Variants in ADARB2 observed in about 807,000 individuals in gnomAD.
ADARB2 encodes adenosine deaminase RNA specific B2 (inactive).
In ADARB2, 25 loss-of-function variants were observed where a neutral mutation model predicts 62.2. The observed-to-expected ratio is 0.40, with a 90% CI of 0.29 to 0.56. The LOEUF (loss-of-function observed/expected upper bound fraction) is 0.56. Ranked by LOEUF, ADARB2 falls within the 20% of genes least tolerant of loss-of-function variation. The pLI, the probability that ADARB2 is intolerant of heterozygous loss-of-function variation, is 0.43. For synonymous variants in ADARB2, 572 were observed against 500.8 expected, an observed-to-expected ratio of 1.14 and a Z score of -1.90; for missense variants, 1,071 against 1,077.4, an observed-to-expected ratio of 0.99 and a Z score of 0.08.
rs899621627 is a variant in ADARB2 at position 1,443,886 on chromosome 10, T to C, written c.101-64726A>G. On this transcript the variant is annotated intron_variant, in intron 1 of 9. Coordinates refer to ENST00000381312, the MANE Select transcript of ADARB2 (RefSeq NM_018702.4). ...TAAAGAAATGTTTCCTTATTCAGCA[T>C]GGGGGAGTACAAATCTACCACTATT... Among the ~76,000 whole-genome samples, 22 of 152,192 alleles carry C rather than the reference T, an allele frequency of 1.4e-4. 2 individuals carry two copies. The highest frequency in any genetic ancestry group is 1.1e-3 in the Admixed American group (17 of 15,274).
intron 1 of ADARB2, among the ~76,000 whole-genome samples, chr10:1,576,785 G>A (rs1264555420): frequency 6.6e-6 from 1 of 152,160 alleles, no homozygotes; most frequent in Non-Finnish European, 1.5e-5. Flanking sequence ...GGGGACAATG[G>A]CTGCAAAACA....
intron 1 of ADARB2, among the ~76,000 whole-genome samples, chr10:1,386,323 A>C (rs568644271): frequency 2.1e-4 from 32 of 152,152 alleles, no homozygotes; most frequent in African/African-American, 7.2e-4. Flanking sequence ...TATATCAGTA[A>C]TTACATTAAA....
chr10:1,595,603 C>T (rs1833322737), intron 1 of ADARB2, among the ~76,000 whole-genome samples: 1 of 152,208 alleles, frequency 6.6e-6, no homozygotes, highest in Non-Finnish European at 1.5e-5. Context: ...TCTTCCCTGT[C>T]CTCCCAGTCC....
intron 1 of ADARB2, among the ~76,000 whole-genome samples, chr10:1,483,875 A>G (rs192368281): frequency 3.3e-5 from 5 of 152,358 alleles, no homozygotes; most frequent in Admixed American, 6.5e-5. Context: ...TATGACACGG[A>G]AGTAACTTAA....
At chr10:1,307,385 A>G (rs1357413169) in intron 3 of ADARB2, among the ~76,000 whole-genome samples, 2 of 141,400 alleles carry the variant, frequency 1.4e-5, no homozygotes, top group Non-Finnish European at 1.5e-5. Context: ...ATGAGATACC[A>G]TCTCACACCA....
chr10:1,408,668 G>C (rs909689960), intron 1 of ADARB2, among the ~76,000 whole-genome samples: 2 of 152,162 alleles, frequency 1.3e-5, no homozygotes, highest in African/African-American at 4.8e-5. Flanking sequence ...GCTTTGACCT[G>C]TCCTTGTTGG....
intron 1 of ADARB2, among the ~76,000 whole-genome samples, chr10:1,495,367 G>A (rs756984623): frequency 6.6e-6 from 1 of 152,204 alleles, no homozygotes; most frequent in Non-Finnish European, 1.5e-5. Context: ...TCCTCGGAGG[G>A]TTTCTGCTGT....
intron 3 of ADARB2, among the ~76,000 whole-genome samples, chr10:1,283,785 C>A (rs1173986518): frequency 6.6e-6 from 1 of 152,178 alleles, no homozygotes. Flanking sequence ...GAGGAAGAGG[C>A]CACTTCTGGG....
chr10:1,594,862 G>A (rs1181117211), intron 1 of ADARB2, among the ~76,000 whole-genome samples: 1 of 152,198 alleles, frequency 6.6e-6, no homozygotes, highest in Non-Finnish European at 1.5e-5. Flanking sequence ...TATCGGGGCA[G>A]AGCAAGGCTT....
At chr10:1,184,423 G>A (rs925920638) in intron 9 of ADARB2, among the ~76,000 whole-genome samples, 3 of 152,164 alleles carry the variant, frequency 2.0e-5, no homozygotes, top group African/African-American at 7.2e-5. Flanking sequence ...TTGGGCTTTG[G>A]GGTTGGGGAG....
chr10:1,504,628 G>A (rs1831813260), intron 1 of ADARB2, among the ~76,000 whole-genome samples: 1 of 152,130 alleles, frequency 6.6e-6, no homozygotes, highest in Admixed American at 6.5e-5. Context: ...TGACTACACG[G>A]GTCAGTTGCT....
chr10:1,433,529 G>A (rs1407824421), intron 1 of ADARB2, among the ~76,000 whole-genome samples: 1 of 152,180 alleles, frequency 6.6e-6, no homozygotes, highest in African/African-American at 2.4e-5. Context: ...AGATGCGGAC[G>A]TTCAGGTGGT....
chr10:1,274,810 G>C (rs1275376160), intron 3 of ADARB2, among the ~76,000 whole-genome samples: 1 of 152,238 alleles, frequency 6.6e-6, no homozygotes, highest in Non-Finnish European at 1.5e-5. Context: ...ACGTACCCCA[G>C]CTGCCTTGAC....
At chr10:1,381,540 C>G (rs1165925344) in intron 1 of ADARB2, among the ~76,000 whole-genome samples, 1 of 152,238 alleles carries the variant, frequency 6.6e-6, no homozygotes, top group Non-Finnish European at 1.5e-5. Context: ...GATCTGCATC[C>G]TCATATCCTC....
rs531732049 is a variant in ADARB2, at chr10:1,243,690, A to G, written c.1193-1391T>C. Reference sequence around the variant, plus strand: ...ACCGAGCACTGGGGAAGTAACCTGCAGAGGCCCAGCAGCATCCTTGCCCCC... The same window carrying G: ...ACCGAGCACTGGGGAAGTAACCTGCGGAGGCCCAGCAGCATCCTTGCCCCC... On this transcript the variant is annotated intron_variant, in intron 4 of 9. Coordinates refer to ENST00000381312, the MANE Select transcript of ADARB2 (RefSeq NM_018702.4). Among the ~76,000 whole-genome samples, 10 of 152,342 alleles carry G rather than the reference A, an allele frequency of 6.6e-5. No individual in the cohort carries two copies. In the East Asian group the frequency reaches 9.6e-4, roughly 15 times the overall value.
chr10:1,441,168 T>C (rs910483430), intron 1 of ADARB2, among the ~76,000 whole-genome samples: 21 of 152,228 alleles, frequency 1.4e-4, no homozygotes, highest in African/African-American at 3.4e-4. Context: ...ATCTGCCTCC[T>C]GAATTGCCTT....
At chr10:1,284,547 C>A (rs900683585) in intron 3 of ADARB2, among the ~76,000 whole-genome samples, 3 of 152,198 alleles carry the variant, frequency 2.0e-5, no homozygotes, top group Non-Finnish European at 4.4e-5. Flanking sequence ...GAACTGTTAA[C>A]ACATTATTTA....
At chr10:1,641,899 G>C (rs1389828222) in intron 1 of ADARB2, among the ~76,000 whole-genome samples, 2 of 152,110 alleles carry the variant, frequency 1.3e-5, no homozygotes, top group Non-Finnish European at 2.9e-5. Context: ...TGTAATCCCA[G>C]CTACCTGGGA....
intron 6 of ADARB2, among the ~76,000 whole-genome samples, chr10:1,223,585 C>G (rs377004189): frequency 4.3e-4 from 65 of 152,192 alleles, no homozygotes; most frequent in African/African-American, 1.1e-3. Context: ...TTATTATTTT[C>G]AGATACGTCC....
Sources: gnomAD v4.1 joint callset for allele counts (sites outside exome capture counted in the v4.1 genomes callset) on GRCh38, gnomAD v4.1.1 for gene constraint, MANE v1.5 for transcripts, NCBI Gene and HGNC (gene_info 2026-07-23, HGNC 2026-07-21) for gene names.